The following LINGO2 variants were observed in gnomAD, a reference collection of about 807,000 sequenced individuals.
LINGO2 encodes the protein leucine rich repeat and Ig domain containing 2.
Under a neutral mutation model 30.6 loss-of-function variants are expected in LINGO2, and 14 were observed. The ratio of observed to expected loss-of-function variants is 0.46; its 90% CI spans 0.30 to 0.72. LINGO2 has a LOEUF of 0.72. Among genes scored for constraint, LINGO2 ranks in the 30% least tolerant of loss-of-function variants. The pLI is 0.07. For missense variants in LINGO2, 729 were observed against 751.7 expected (o/e 0.97, Z 0.35); for synonymous variants, 317 against 288.5 (o/e 1.10, Z -1.00).
At chr9:28,436,703 C>T (rs1476466765) in intron 2 of LINGO2, among the ~76,000 whole-genome samples, 3 of 152,096 alleles carry the variant, frequency 2.0e-5, no homozygotes, top group Non-Finnish European at 4.4e-5. Flanking sequence ...GTGATCCGCC[C>T]GCCTTGGCCT....
At chr9:28,696,759 G>A in the LINGO2 span, among the ~76,000 whole-genome samples, 1 of 151,878 alleles carries the variant, frequency 6.6e-6, no homozygotes, top group Non-Finnish European at 1.5e-5. Context: ...TACATGGGTA[G>A]TAGGAAGCCA....
rs200515167 is a variant in LINGO2 at position 28,602,277 on chromosome 9, AC to A, written c.-365+67922del. On this transcript the variant is annotated intron_variant, in intron 1 of 5. Transcript: ENST00000379992. ...TGGGGAGGTTGGTGCAGGGGAATAT[AC>A]CCCATGTTGCAGGAGTCTGGCAAAT... 4.7e-4 allele frequency among the ~76,000 whole-genome samples: 72 copies of A among 152,142 alleles called. No individual in the cohort carries two copies. The East Asian group carries it at 0.014, about 29-fold the overall frequency.
chr9:28,422,306 A>G (rs961362840), intron 2 of LINGO2, among the ~76,000 whole-genome samples: 6 of 152,132 alleles, frequency 3.9e-5, no homozygotes, highest in African/African-American at 1.2e-4. Context: ...AATAATTCCT[A>G]CAACTCAACA....
At chr9:28,635,643 T>C (rs1827224241) in intron 1 of LINGO2, among the ~76,000 whole-genome samples, 1 of 152,098 alleles carries the variant, frequency 6.6e-6, no homozygotes, top group South Asian at 2.1e-4. Flanking sequence ...AATTACTAAA[T>C]AAGGTTTAAT....
chr9:28,348,236 C>T (rs950018739), intron 3 of LINGO2, among the ~76,000 whole-genome samples: 2 of 152,088 alleles, frequency 1.3e-5, no homozygotes, highest in Non-Finnish European at 2.9e-5. Flanking sequence ...ATCTGAGGTA[C>T]CGGGTTCATC....
At chr9:28,658,691 T>C (rs1381066964) in intron 1 of LINGO2, among the ~76,000 whole-genome samples, 2 of 152,106 alleles carry the variant, frequency 1.3e-5, no homozygotes, top group African/African-American at 2.4e-5. Flanking sequence ...CACTAATATA[T>C]GTCTTTTGAT....
intron 1 of LINGO2, among the ~76,000 whole-genome samples, chr9:28,590,144 A>T (rs1485535106): frequency 1.3e-5 from 2 of 152,186 alleles, no homozygotes; most frequent in Non-Finnish European, 2.9e-5. Flanking sequence ...CACCTTATAC[A>T]AAAATTAATT....
the LINGO2 span, among the ~76,000 whole-genome samples, chr9:28,934,365 T>C: frequency 6.6e-6 from 1 of 152,146 alleles, no homozygotes. Context: ...TGAAAATGAC[T>C]AATGTGAGTG....
At chr9:28,245,250 C>T (rs12378978) in intron 4 of LINGO2, among the ~76,000 whole-genome samples, 5 of 152,102 alleles carry the variant, frequency 3.3e-5, no homozygotes, top group African/African-American at 4.8e-5. Flanking sequence ...CAATAAAATT[C>T]GACATACCTT....
chr9:28,064,414 C>T (rs1184490894), intron 4 of LINGO2, among the ~76,000 whole-genome samples: 1 of 152,018 alleles, frequency 6.6e-6, no homozygotes, highest in Non-Finnish European at 1.5e-5. Context: ...CGAAGCCAGG[C>T]AGGTCTGCAT....
At chr9:28,673,607 C>T (rs949084399), upstream of LINGO2, among the ~76,000 whole-genome samples, 18 of 152,018 alleles carry the variant, frequency 1.2e-4, no homozygotes, top group Middle Eastern at 3.4e-3. Flanking sequence ...GCGCAAGTTG[C>T]AGTGAGCCAA....
chr9:28,065,602 G>C (rs140327891), intron 4 of LINGO2, among the ~76,000 whole-genome samples: 3 of 152,232 alleles, frequency 2.0e-5, no homozygotes, highest in Non-Finnish European at 4.4e-5. Context: ...AAAAGTGTAA[G>C]ATAGATTCAT....
intron 2 of LINGO2, among the ~76,000 whole-genome samples, chr9:28,408,788 CAAAAAAAAA>C (rs1822624575): frequency 7.2e-6 from 1 of 139,796 alleles, no homozygotes; most frequent in East Asian, 2.4e-4. Context: ...AAAAAAAAAA[CAAAAAAAAA>C]CAAATAGAAA....
At chr9:28,729,706 A>G in the LINGO2 span, among the ~76,000 whole-genome samples, 1 of 151,984 alleles carries the variant, frequency 6.6e-6, no homozygotes, top group Non-Finnish European at 1.5e-5. Flanking sequence ...AATCAGGAGG[A>G]AAAAAAATAT....
At chr9:29,176,377 G>T in the LINGO2 span, among the ~76,000 whole-genome samples, 1 of 152,168 alleles carries the variant, frequency 6.6e-6, no homozygotes, top group African/African-American at 2.4e-5. Context: ...AGTTAGAGAA[G>T]GTGGTGAAAT....
chr9:28,176,599 C>T (rs1828757496), intron 4 of LINGO2, among the ~76,000 whole-genome samples: 1 of 152,124 alleles, frequency 6.6e-6, no homozygotes, highest in Non-Finnish European at 1.5e-5. Context: ...TCAGAGAGTA[C>T]AAAATGCTTG....
chr9:27,949,235 C>T (rs751291528), exon 6 of LINGO2: 1 of 1,614,096 alleles, frequency 6.2e-7, no homozygotes, highest in East Asian at 2.2e-5. Flanking sequence ...AAACATACAT[C>T]CCGCTGTCTT....
intron 5 of LINGO2, among the ~76,000 whole-genome samples, chr9:27,989,699 C>G (rs1821301699): frequency 6.6e-6 from 1 of 152,016 alleles, no homozygotes; most frequent in African/African-American, 2.4e-5. Context: ...ATGAGTTAAA[C>G]ACCGTGCTAC....
At chr9:28,364,797 C>T (rs1482844165) in intron 3 of LINGO2, among the ~76,000 whole-genome samples, 1 of 152,176 alleles carries the variant, frequency 6.6e-6, no homozygotes, top group East Asian at 1.9e-4. Context: ...AAGATGCTTA[C>T]TGAAGCTTTC....
Sources: gnomAD v4.1 joint callset for allele counts (sites outside exome capture counted in the v4.1 genomes callset) on GRCh38, gnomAD v4.1.1 for gene constraint, MANE v1.5 for transcripts, NCBI Gene and HGNC (gene_info 2026-07-23, HGNC 2026-07-21) for gene names.